The following KAZN variants were observed in gnomAD, a reference collection of about 807,000 sequenced individuals.
The protein encoded by KAZN is kazrin.
A neutral mutation model predicts 87.4 loss-of-function variants in KAZN; 40 were observed. The ratio of observed to expected loss-of-function variants is 0.46; its 90% confidence interval spans 0.36 to 0.60. KAZN has a LOEUF of 0.60. Ranked by LOEUF, KAZN falls within the 20% of genes least tolerant of loss-of-function variation. KAZN has a pLI of 0.00. For missense variants in KAZN, 898 were observed against 1,073.9 expected (o/e 0.84, Z 2.29); for synonymous variants, 466 against 458.3 (o/e 1.02, Z -0.22).
At chr1:15,030,079 C>T (rs998434562) in intron 2 of KAZN, among the ~76,000 whole-genome samples, 1 of 152,150 alleles carries the variant, frequency 6.6e-6, no homozygotes, top group Non-Finnish European at 1.5e-5. Context: ...GTGTGGTCTT[C>T]GTTTCCCCCT....
rs190229651 is a variant in KAZN at position 13,922,193 on chromosome 1, A to G, written c.91+28437A>G. Reference sequence around the variant, plus strand: ...TGCTTTGGGGAAAATCCATGGCACCAAGACTTGGCTCTGTCTATTCTTTAC... The same window carrying G: ...TGCTTTGGGGAAAATCCATGGCACCGAGACTTGGCTCTGTCTATTCTTTAC... On this transcript the variant is annotated intron_variant, in intron 1 of 16. Transcript: ENST00000636203. 1.1e-3 allele frequency among the ~76,000 whole-genome samples: 161 copies of G among 152,292 alleles called. 3 individuals carry two copies. Among genetic ancestry groups the G allele is most frequent in the Admixed American group, 3.3e-3 (51 of 15,300 alleles).
chr1:14,169,684 G>A (rs536139057), intron 1 of KAZN, among the ~76,000 whole-genome samples: 1 of 152,314 alleles, frequency 6.6e-6, no homozygotes, highest in East Asian at 1.9e-4. Context: ...CGGGAATTAG[G>A]CAATGGCCAT....
chr1:14,597,495 T>C (rs978037083), upstream of KAZN, among the ~76,000 whole-genome samples: 2 of 152,180 alleles, frequency 1.3e-5, no homozygotes, highest in African/African-American at 2.4e-5. Flanking sequence ...CTTAACCCTA[T>C]GCAGAGCCTC....
rs185624396 is a variant in KAZN at position 14,036,904 on chromosome 1, C to T, written c.91+143148C>T. ...AAGCAATTCTCCTGCCTCAGCCTCC[C>T]GAGTAGCTGGGATTACAGGCGTGCA... On this transcript the variant is annotated intron_variant, in intron 1 of 16. Transcript: ENST00000636203. Among the ~76,000 whole-genome samples, 715 of 151,854 alleles carry T rather than the reference C, an allele frequency of 4.7e-3. 4 individuals carry two copies. The highest frequency in any genetic ancestry group is 0.016 in the African/African-American group (679 of 41,428).
intron 1 of KAZN, among the ~76,000 whole-genome samples, chr1:14,124,746 C>A (rs568182942): frequency 6.6e-6 from 1 of 152,156 alleles, no homozygotes; most frequent in East Asian, 1.9e-4. Flanking sequence ...CGCCCTCTTG[C>A]GGAATACTCA....
chr1:14,005,132 T>C (rs1363206316), intron 1 of KAZN, among the ~76,000 whole-genome samples: 1 of 152,134 alleles, frequency 6.6e-6, no homozygotes, highest in African/African-American at 2.4e-5. Context: ...TAAGACAGTG[T>C]TATACTTGAA....
chr1:14,073,743 G>A (rs180885263), intron 1 of KAZN, among the ~76,000 whole-genome samples: 2 of 152,266 alleles, frequency 1.3e-5, no homozygotes, highest in Admixed American at 1.3e-4. Context: ...TCTTTTTTAT[G>A]GCTGAATAGT....
chr1:14,251,537 C>A (rs766953191), intron 2 of KAZN, among the ~76,000 whole-genome samples: 25 of 151,752 alleles, frequency 1.6e-4, no homozygotes, highest in Non-Finnish European at 3.4e-4. Context: ...GACTTCTATG[C>A]CTTTCTGGAA....
Position 15,096,522 on chromosome 1 carries a change from G to A in KAZN, c.1547+1589G>A, listed in dbSNP as rs554881901. Among the ~76,000 whole-genome samples the A allele has an allele frequency of 6.6e-6, 1 of 152,304 alleles. No homozygotes were observed. Among genetic ancestry groups the A allele is most frequent in the African/African-American group, 2.4e-5 (1 of 41,562 alleles). On this transcript the variant is annotated intron_variant, in intron 10 of 14. Transcript: ENST00000376030. This position sits in a 1 kb window ranked among gnomAD's most constrained non-coding sequence, Gnocchi z 4.5. ...CTGCACTTGTGTGTTGCACAACACAGCCCCTAAATGGGGCTGTCTTAGTCT... is the reference window on the plus strand; with the variant it reads ...CTGCACTTGTGTGTTGCACAACACAACCCCTAAATGGGGCTGTCTTAGTCT...
At chr1:14,640,630 C>G (rs1680346091) in intron 1 of KAZN, among the ~76,000 whole-genome samples, 1 of 152,214 alleles carries the variant, frequency 6.6e-6, no homozygotes, top group South Asian at 2.1e-4. Flanking sequence ...AGAGCTGCAA[C>G]TTGGTAGGGA....
intron 1 of KAZN, among the ~76,000 whole-genome samples, chr1:14,130,118 T>C (rs1246666950): frequency 6.6e-6 from 1 of 152,226 alleles, no homozygotes; most frequent in African/African-American, 2.4e-5. Flanking sequence ...ATAAGTGAAT[T>C]AGCGCTTTCT....
chr1:14,852,621 T>C (rs61773567), intron 1 of KAZN, among the ~76,000 whole-genome samples: 9,138 of 152,240 alleles, frequency 0.06, 410 homozygotes, highest in Admixed American at 0.11. Flanking sequence ...GGCCAGATGG[T>C]CTCGCAGGTA....
intron 2 of KAZN, among the ~76,000 whole-genome samples, chr1:14,392,419 A>G (rs1314531641): frequency 6.6e-6 from 1 of 152,024 alleles, no homozygotes; most frequent in Non-Finnish European, 1.5e-5. Flanking sequence ...CTGTAGCTGG[A>G]TTCGGTTCCT....
intron 1 of KAZN, among the ~76,000 whole-genome samples, chr1:13,932,284 G>A (rs1640549576): frequency 7.6e-6 from 1 of 131,914 alleles, no homozygotes; most frequent in African/African-American, 2.9e-5. Flanking sequence ...TTTTTGAGAC[G>A]GAGTCTCGCT....
chr1:14,440,549 T>A (rs1279619925), intron 2 of KAZN, among the ~76,000 whole-genome samples: 1 of 152,210 alleles, frequency 6.6e-6, no homozygotes, highest in African/African-American at 2.4e-5. Flanking sequence ...ATTCAGTATA[T>A]GACACTTTGT....
At chr1:14,992,135 G>A (rs527342667) in intron 2 of KAZN, among the ~76,000 whole-genome samples, 3 of 152,070 alleles carry the variant, frequency 2.0e-5, no homozygotes, top group South Asian at 2.1e-4. Flanking sequence ...GTCCATTACC[G>A]GGGCCCCAGC....
At chr1:14,354,609 A>G (rs1434816356) in intron 2 of KAZN, among the ~76,000 whole-genome samples, 1 of 151,410 alleles carries the variant, frequency 6.6e-6, no homozygotes, top group Non-Finnish European at 1.5e-5. Flanking sequence ...AACCAAAATT[A>G]GTTACCACTG....
intron 1 of KAZN, among the ~76,000 whole-genome samples, chr1:14,617,608 C>T (rs918912321): frequency 6.6e-6 from 1 of 152,154 alleles, no homozygotes; most frequent in African/African-American, 2.4e-5. Context: ...AGTAAATATA[C>T]GTGAATCCCG....
intron 1 of KAZN, among the ~76,000 whole-genome samples, chr1:14,933,047 C>T (rs755627731): frequency 6.6e-6 from 1 of 152,106 alleles, no homozygotes; most frequent in Non-Finnish European, 1.5e-5. Context: ...GTTCCAGGTA[C>T]CTCATCTAAG....
Sources: allele counts gnomAD v4.1 joint callset (sites outside exome capture counted in the v4.1 genomes callset), GRCh38; gene constraint gnomAD v4.1.1; non-coding constraint Gnocchi (gnomAD v3.1); transcripts MANE v1.5; gene names NCBI Gene and HGNC (gene_info 2026-07-23, HGNC 2026-07-21).